The following S1PR5 variants were observed in gnomAD, a reference collection of about 807,000 sequenced individuals.
The protein encoded by S1PR5 is sphingosine-1-phosphate receptor 5, also known as sphingosine 1-phosphate receptor 5.
For missense variants in S1PR5, 583 were observed against 571.7 expected (o/e 1.02, Z -0.20); for synonymous variants, 307 against 284.7 (o/e 1.08, Z -0.79).
intron 1 of S1PR5, among the ~76,000 whole-genome samples, chr19:10,516,435 A>ATCTC (rs1181343263): frequency 6.6e-6 from 1 of 151,794 alleles, no homozygotes; most frequent in Non-Finnish European, 1.5e-5. Flanking sequence ...CTAAGACTTC[A>ATCTC]TCTCTACAAA....
chr19:10,515,223 A>C (rs1599500988), intron 1 of S1PR5, among the ~76,000 whole-genome samples, 194 bp from the exon 2 acceptor site: 1 of 152,184 alleles, frequency 6.6e-6, no homozygotes, highest in Admixed American at 6.5e-5. Flanking sequence ...CGAGGGAACA[A>C]GGTGACATAG....
In S1PR5 at chr19:10,512,910, A is replaced by C. The variant is rs1282188691; in HGVS notation, c.*905T>G. On this transcript the variant is annotated 3_prime_UTR_variant, in exon 2 of 2. Transcript: ENST00000333430. ...CCTGGGTGACAGAGCACAAGATCCC[A>C]ACTCAAAAAAAAAAAAAAGAAAGAA... The C allele has an allele frequency of 1.5e-5, 1 of 66,292 alleles. No homozygotes were observed. The highest frequency in any genetic ancestry group is 4.7e-5 in the African/African-American group (1 of 21,084). The allele number at this position is 66,292 out of a possible 1,614,324, so 4.1% of individuals were successfully genotyped here.
chr19:10,515,938 A>G (rs1390626444), intron 1 of S1PR5, among the ~76,000 whole-genome samples: 1 of 152,000 alleles, frequency 6.6e-6, no homozygotes, highest in Non-Finnish European at 1.5e-5. Context: ...TCTCAAACAC[A>G]CACACACAAA....
chr19:10,516,096 A>G (rs1362412478), intron 1 of S1PR5, among the ~76,000 whole-genome samples: 1 of 152,152 alleles, frequency 6.6e-6, no homozygotes, highest in Non-Finnish European at 1.5e-5. Flanking sequence ...TAAAAAATAC[A>G]TCATACAGGA....
chr19:10,513,626 C>G lies in S1PR5; in HGVS notation c.*189G>C, dbSNP rs546729129. ...ATCACCGAGTTCTTTTCTGTGTTCC[C>G]AAGCAGAACGTCAATTCCACGAGGG... On this transcript the variant is annotated 3_prime_UTR_variant, in exon 2 of 2. Coordinates refer to ENST00000333430, the MANE Select transcript of S1PR5 (RefSeq NM_030760.5). The G allele has an allele frequency of 8.2e-4, 610 of 742,754 alleles. 5 individuals are homozygous for G. In the South Asian group the frequency reaches 0.01, roughly 13 times the overall value. The allele number at this position is 742,754 out of a possible 1,614,324, so 46.0% of individuals were successfully genotyped here.
Position 10,514,301 on chromosome 19 carries a change from C to A in S1PR5, c.711G>T (p.Ser237=), listed in dbSNP as rs773301875. The A allele has an allele frequency of 3.2e-6, 5 of 1,567,168 alleles. No individual in the cohort carries two copies. The South Asian group carries it at 4.6e-5, about 15-fold the overall frequency. ...AGCGCGGCTTGCGACGCGCCCGGGTCGAGGTGGTCCCCGCAGTCCCGGGCC... is the reference window on the plus strand; with the variant it reads ...AGCGCGGCTTGCGACGCGCCCGGGTAGAGGTGGTCCCCGCAGTCCCGGGCC... ...PARPGTAGTT[S]TRARRKPRSL... is the part of the protein sequence containing the mutation. The change falls in exon 2 of 2, where the codon TCG becomes TCT. Residue 237 remains serine, a synonymous_variant. Coordinates refer to ENST00000333430, the MANE Select transcript of S1PR5 (RefSeq NM_030760.5).
Position 10,514,596 on chromosome 19 carries a change from C to A in S1PR5, c.416G>T (p.Arg139Leu). 6.3e-7 allele frequency: 1 copy of A among 1,579,728 alleles called. No homozygotes were observed. Among genetic ancestry groups the A allele is most frequent in the Non-Finnish European group, 8.6e-7 (1 of 1,165,034 alleles). The stretch of plus-strand genomic sequence containing the variant: ...ACTGGAGACGGGCGCGGGCCCCCTG[C>A]GCGCCATGGTGAGGCTGCGCTCCAG... ...IALERSLTMA[R>L]RGPAPVSSRG... The change falls in exon 2 of 2, where the codon CGC (arginine) becomes CTC (leucine). Residue 139 changes from arginine (R) to leucine (L), a missense_variant. By Grantham distance (102) the Arg-to-Leu change is moderately radical. Transcript: ENST00000333430.
At position 10,513,864 on chromosome 19, in the gene S1PR5, C is replaced by T; in HGVS notation, c.1148G>A (p.Gly383Asp). ...CAGAGTCCGGGCGGCTGTGGGTGCA[C>T]CGGGGCTGCCTGTGGAGCCGCTGGT... ...LDTSGSTGSP[G>D]APTAARTLVS... Residue 383 changes from glycine to aspartate, a missense_variant, in exon 2 of 2, where the codon GGT becomes GAT. Transcript: ENST00000333430. 1 of 1,611,854 alleles carries T rather than the reference C, an allele frequency of 6.2e-7. No individual in the cohort carries two copies. The highest frequency in any genetic ancestry group is 8.5e-7 in the Non-Finnish European group (1 of 1,179,730).
rs1411790349 is a variant in S1PR5 at position 10,517,411 on chromosome 19, C to G, written c.-32G>C. The G allele has an allele frequency of 1.0e-6, 1 of 985,472 alleles. No homozygotes were observed. Among genetic ancestry groups the G allele is most frequent in the Admixed American group, 6.1e-5 (1 of 16,268 alleles). 61.0% of individuals were successfully genotyped at this position (985,472 alleles called of 1,614,324 possible). The stretch of plus-strand genomic sequence containing the variant: ...CAGTCCACTCACTCTGCGCCCTGGT[C>G]GTGCGCCACCCGCAGTCGCGCTGCC... On this transcript the variant is annotated 5_prime_UTR_variant, in exon 1 of 2. Coordinates refer to ENST00000333430, the MANE Select transcript of S1PR5 (RefSeq NM_030760.5).
In S1PR5 at chr19:10,514,695, G is replaced by A. The variant is rs750353791; in HGVS notation, c.317C>T (p.Ala106Val). The A allele has an allele frequency of 1.5e-5, 24 of 1,609,782 alleles. No individual in the cohort carries two copies. In the South Asian group the frequency reaches 2.6e-4, roughly 18 times the overall value. The change falls in exon 2 of 2, where the codon GCG (alanine) becomes GTG (valine). Residue 106 changes from alanine to valine, a missense_variant. Coordinates refer to ENST00000333430, the MANE Select transcript of S1PR5 (RefSeq NM_030760.5). ...GCCTCCCTCCCGTGCGAACCAGAGC[G>A]CGGGGGACAGTTTCAGCGTGAGCGG... ...SGPLTLKLSP[A>V]LWFAREGGVF... is the part of the protein sequence containing the mutation.
upstream of S1PR5, chr19:10,517,720 G>A (rs547315572): frequency 3.6e-5 from 35 of 985,318 alleles, 1 homozygote; most frequent in East Asian, 9.1e-4. Context: ...GGGAAAGGGA[G>A]GGTTCTGCAG....
Position 10,514,351 on chromosome 19 carries a change from C to T in S1PR5, c.661G>A (p.Ala221Thr), listed in dbSNP as rs768796520. 1.7e-5 allele frequency: 27 copies of T among 1,570,824 alleles called. No homozygotes were observed. The highest frequency in any genetic ancestry group is 2.1e-5 in the Non-Finnish European group (24 of 1,160,182). The part of the protein sequence containing the change: ...LYARIYCQVR[A>T]NARRLPARPG... ...CGTGCCGGCAGGCGCCGCGCGTTGG[C>T]GCGTACCTGGCAGTAGATGCGCGCG... The change falls in exon 2 of 2, where the codon GCC becomes ACC. Residue 221 changes from alanine (A) to threonine (T), a missense_variant. Coordinates refer to ENST00000333430, the MANE Select transcript of S1PR5 (RefSeq NM_030760.5).
Position 10,514,484 on chromosome 19 carries a change from C to A in S1PR5, c.528G>T (p.Leu176=). ...CAGTGGAGCAAGCGTCCAGGCGACC[C>A]AGGCAATTCCAGCCCAGCGCTGGCA... The part of the protein sequence containing the change: ...GLLPALGWNC[L]GRLDACSTVL... Residue 176 remains leucine (L), a synonymous_variant, in exon 2 of 2, where the codon CTG becomes CTT. Coordinates refer to ENST00000333430, the MANE Select transcript of S1PR5 (RefSeq NM_030760.5). 1 of 1,604,726 alleles carries A rather than the reference C, an allele frequency of 6.2e-7. No individual in the cohort carries two copies. Among genetic ancestry groups the A allele is most frequent in the African/African-American group, 1.3e-5 (1 of 74,888 alleles).
At chr19:10,515,994 C>A (rs535122568) in intron 1 of S1PR5, among the ~76,000 whole-genome samples, 13 of 152,014 alleles carry the variant, frequency 8.6e-5, no homozygotes, top group African/African-American at 3.1e-4. Context: ...ACACACAGAA[C>A]GCACACAAAC....
chr19:10,517,711 G>T (rs1418719090), upstream of S1PR5: 1 of 985,534 alleles, frequency 1.0e-6, no homozygotes, highest in Admixed American at 6.1e-5. Context: ...CGGAGAGGCG[G>T]GAAAGGGAGG....
rs1347613425 is a variant in S1PR5 at position 10,514,228 on chromosome 19, C to T, written c.784G>A (p.Ala262Thr). 1.9e-6 allele frequency: 3 copies of T among 1,606,992 alleles called. No individual in the cohort carries two copies. The highest frequency in any genetic ancestry group is 1.3e-5 in the African/African-American group (1 of 74,860). The change falls in exon 2 of 2, where the codon GCA becomes ACA. Residue 262 changes from alanine to threonine, a missense_variant. Coordinates refer to ENST00000333430, the MANE Select transcript of S1PR5 (RefSeq NM_030760.5). ...TLSVVLLAFV[A>T]CWGPLFLLLL... Reference sequence around the variant, plus strand: ...AGCAGGAAGAGGGGGCCCCAACATGCCACAAAGGCCAGGAGCACCACGCTG... The same window carrying T: ...AGCAGGAAGAGGGGGCCCCAACATGTCACAAAGGCCAGGAGCACCACGCTG...
At position 10,514,001 on chromosome 19, in the gene S1PR5, C is replaced by A; in HGVS notation, c.1011G>T (p.Gln337His). The change falls in exon 2 of 2, where the codon CAG becomes CAT. Residue 337 changes from glutamine to histidine, a missense_variant. Gln to His is a conservative substitution (Grantham distance 24). Transcript: ENST00000333430. ...CGGAAGCCTCAGCCGCGCTCGCCGA[C>A]TGCTGGGAGCCACTCGGGTCTCTGC... ...SCGRDPSGSQ[Q>H]SASAAEASGG... 2 of 1,604,726 alleles carry A rather than the reference C, an allele frequency of 1.2e-6. No homozygotes were observed. The highest frequency in any genetic ancestry group is 1.7e-6 in the Non-Finnish European group (2 of 1,176,618).
At position 10,514,103 on chromosome 19, in the gene S1PR5, G is replaced by T. The variant is rs1170319239; in HGVS notation, c.909C>A (p.Pro303=). The change falls in exon 2 of 2, where the codon CCC becomes CCA. Residue 303 remains proline, a synonymous_variant. Transcript: ENST00000333430. ...GLAMANSLLN[P]IIYTLTNRDL... ...CGCGGTTGGTGAGCGTGTAGATGATGGGGTTCAGAAGTGAGTTGGCCATGG... is the reference window on the plus strand; with the variant it reads ...CGCGGTTGGTGAGCGTGTAGATGATTGGGTTCAGAAGTGAGTTGGCCATGG... The T allele has an allele frequency of 6.2e-7, 1 of 1,612,808 alleles. No homozygotes were observed. The highest frequency in any genetic ancestry group is 8.5e-7 in the Non-Finnish European group (1 of 1,179,846).
chr19:10,517,450 G>A, upstream of S1PR5: 1 of 985,614 alleles, frequency 1.0e-6, no homozygotes. Context: ...AACCGAGTGA[G>A]CGGACGCCGC....
Sources: gnomAD v4.1 joint callset for allele counts (sites outside exome capture counted in the v4.1 genomes callset) on GRCh38, gnomAD v4.1.1 for gene constraint, MANE v1.5 for transcripts, NCBI Gene and HGNC (gene_info 2026-07-23, HGNC 2026-07-21) for gene names.